Variants in KRT74 observed in about 807,000 individuals in gnomAD.
The protein encoded by KRT74 is keratin, type II cytoskeletal 74.
KRT74 carries 43 observed loss-of-function variants against 42.7 expected under a neutral mutation model. The ratio of observed to expected loss-of-function variants is 1.01; its 90% confidence interval spans 0.79 to 1.30. The LOEUF is 1.30. Among genes scored for constraint, KRT74 ranks in the 50% most tolerant of loss-of-function variants. The probability of loss-of-function intolerance (pLI) is 0.00; values close to 1 mark genes in which losing one functional copy is unlikely to be tolerated. For missense variants in KRT74, 736 were observed against 689.1 expected (o/e 1.07, Z -0.76); for synonymous variants, 302 against 279.0 (o/e 1.08, Z -0.82).
In KRT74 at chr12:52,567,154, T is replaced by C. The variant is rs1170863848; in HGVS notation, c.1405A>G (p.Ser469Gly). ...CTGGGGTGGTGGTAGCTGTAGCTGC[T>C]ACTGCTGATGACAGCTGAGGAGGAG... ...SSVSISVISS[S>G]SYSYHHPSSA... The change falls in exon 9 of 9, where the codon AGC (serine) becomes GGC (glycine). Residue 469 changes from serine to glycine, a missense_variant. Physicochemically the swap from Ser to Gly is moderately conservative, Grantham distance 56. Coordinates refer to ENST00000305620, the MANE Select transcript of KRT74 (RefSeq NM_175053.4). 1.9e-6 allele frequency: 3 copies of C among 1,601,684 alleles called. No individual in the cohort carries two copies. The highest frequency in any genetic ancestry group is 1.7e-6 in the Non-Finnish European group (2 of 1,171,248).
At chr12:52,571,242 G>T (rs1217581010) in intron 4 of KRT74, 117 bp downstream of exon 4, 3 of 767,792 alleles carry the variant, frequency 3.9e-6, no homozygotes, top group Non-Finnish European at 6.9e-6. Flanking sequence ...GCAGGGTTTT[G>T]TACCTTTCTA....
intron 5 of KRT74, 37 bp downstream of exon 5, chr12:52,570,632 A>T: frequency 1.2e-6 from 2 of 1,612,730 alleles, no homozygotes; most frequent in Non-Finnish European, 1.7e-6. Context: ...CCAGGAAGCG[A>T]AGGGCTGCTG....
intron 6 of KRT74, chr12:52,569,381 G>A (rs1193547457): frequency 1.4e-5 from 6 of 435,006 alleles, no homozygotes; most frequent in Non-Finnish European, 2.4e-5. Flanking sequence ...TCCGAGAGCA[G>A]GAACCTGGTG....
At chr12:52,567,881 G>A (rs1404046273) in intron 7 of KRT74, among the ~76,000 whole-genome samples, 188 bp from the exon 8 acceptor site, 2 of 150,694 alleles carry the variant, frequency 1.3e-5, no homozygotes, top group East Asian at 3.9e-4. Flanking sequence ...GATTTACCGA[G>A]ACCACACCAC....
intron 8 of KRT74, among the ~76,000 whole-genome samples, 164 bp downstream of exon 8, chr12:52,567,495 C>G (rs1030561882): frequency 6.6e-6 from 1 of 152,142 alleles, no homozygotes; most frequent in African/African-American, 2.4e-5. Context: ...CCTCAGTCAC[C>G]ATTTCACAGG....
intron 1 of KRT74, among the ~76,000 whole-genome samples, chr12:52,572,944 T>A (rs1939513628): frequency 6.6e-6 from 1 of 152,134 alleles, no homozygotes; most frequent in Non-Finnish European, 1.5e-5. Context: ...TCCTTATGTC[T>A]CAACTAAGTG....
chr12:52,569,296 C>T (rs1939433156), intron 6 of KRT74, among the ~76,000 whole-genome samples: 1 of 115,932 alleles, frequency 8.6e-6, no homozygotes, highest in African/African-American at 3.4e-5. Flanking sequence ...GGAAGTAGTA[C>T]CATGGCACAG....
chr12:52,568,343 T>C lies in KRT74; in HGVS notation c.1181A>G (p.Asp394Gly), dbSNP rs1369891216. 3.7e-6 allele frequency: 6 copies of C among 1,614,094 alleles called. No individual in the cohort carries two copies. Among genetic ancestry groups the C allele is most frequent in the South Asian group, 1.1e-5 (1 of 91,090 alleles). Residue 394 changes from aspartate to glycine, a missense_variant, in exon 7 of 9, where the codon GAC (aspartate) becomes GGC (glycine). By Grantham distance (94) the Asp-to-Gly change is moderately conservative (BLOSUM62 -1). Transcript: ENST00000305620. Reference sequence around the variant, plus strand: ...GGCCTGGGCATCCTTCAGGGCATTGTCTCCCCGCTGCTCAGCGTCAGCGAT... The same window carrying C: ...GGCCTGGGCATCCTTCAGGGCATTGCCTCCCCGCTGCTCAGCGTCAGCGAT... ...TAIADAEQRG[D>G]NALKDAQAKL...
rs542956683 is a variant in KRT74, at chr12:52,567,513, G to T, written c.1390+146C>A. On this transcript the variant is annotated intron_variant, in intron 8 of 8. Transcript: ENST00000305620. ...CAGTCACCATTTCACAGGATGAAAAGGGAGAACATTTCCTTTGAAGCCCAG... is the reference window on the plus strand; with the variant it reads ...CAGTCACCATTTCACAGGATGAAAATGGAGAACATTTCCTTTGAAGCCCAG... 6.8e-5 allele frequency: 50 copies of T among 732,520 alleles called. No homozygotes were observed. In the African/African-American group the frequency reaches 8.0e-4, roughly 12 times the overall value. 45.4% of individuals were successfully genotyped at this position (732,520 alleles called of 1,614,324 possible).
intron 6 of KRT74, chr12:52,569,518 G>A (rs1202814148): frequency 1.0e-5 from 6 of 601,888 alleles, no homozygotes; most frequent in Non-Finnish European, 1.8e-5. Flanking sequence ...AGGTTCATTG[G>A]ACACAGAAAA....
At chr12:52,570,032 G>A (rs1418663081) in intron 5 of KRT74, 48 bp from the exon 6 acceptor site, 12 of 1,609,220 alleles carry the variant, frequency 7.5e-6, no homozygotes, top group Non-Finnish European at 1.0e-5. Flanking sequence ...GGGCACTGGG[G>A]AAGGGTCCTG....
chr12:52,569,198 A>G (rs889323699), intron 6 of KRT74, among the ~76,000 whole-genome samples: 2 of 152,064 alleles, frequency 1.3e-5, no homozygotes, highest in African/African-American at 2.4e-5. Flanking sequence ...CCAGCCTCCA[A>G]TATCATCTCC....
At chr12:52,568,513 A>C (rs963455288) in intron 6 of KRT74, 124 bp from the exon 7 acceptor site, 1 of 960,368 alleles carries the variant, frequency 1.0e-6, no homozygotes, top group Admixed American at 2.1e-5. Context: ...AAAGCTGCAA[A>C]GCCAACACCA....
In KRT74 at chr12:52,571,957, A is replaced by G. The variant is rs1939489992; in HGVS notation, c.734T>C (p.Val245Ala). ...NRRTTAENEFVVLKKDADAAY... is the reference protein window; with the variant it reads ...NRRTTAENEFAVLKKDADAAY... ...TCCCTCTCTTACCTTCTTAAGCACC[A>G]CAAACTCATTCTCTGCTGTCGTGCG... The change falls in exon 3 of 9, where the codon GTG (valine) becomes GCG (alanine). Residue 245 changes from valine to alanine, a missense_variant. Physicochemically the swap from Val to Ala is moderately conservative, Grantham distance 64. Coordinates refer to ENST00000305620, the MANE Select transcript of KRT74 (RefSeq NM_175053.4). The G allele has an allele frequency of 1.9e-6, 3 of 1,589,712 alleles. No individual in the cohort carries two copies. Among genetic ancestry groups the G allele is most frequent in the Non-Finnish European group, 2.6e-6 (3 of 1,158,194 alleles).
In KRT74 at chr12:52,572,643, G is replaced by C. The variant is rs771676660; in HGVS notation, c.496C>G (p.Gln166Glu). 45 of 1,614,048 alleles carry C rather than the reference G, an allele frequency of 2.8e-5. No homozygotes were observed. Among genetic ancestry groups the C allele is most frequent in the Non-Finnish European group, 3.6e-5 (42 of 1,180,048 alleles). The change falls in exon 2 of 9, where the codon CAG (glutamine) becomes GAG (glutamate). Residue 166 changes from glutamine (Q) to glutamate (E), a missense_variant. Physicochemically the swap from Gln to Glu is conservative, Grantham distance 29 (BLOSUM62 2). Coordinates refer to ENST00000305620, the MANE Select transcript of KRT74 (RefSeq NM_175053.4). Reference protein sequence around the residue: ...DKVRFLEQQNQVLETKWELLQ... With the variant: ...DKVRFLEQQNEVLETKWELLQ... ...AGCTCCCACTTGGTTTCTAGAACCT[G>C]GTTCTGCTGCTCTAGGAAGCGTACC...
At position 52,571,463 on chromosome 12, in the gene KRT74, A is replaced by G; in HGVS notation, c.748-9T>C. On this transcript the variant is annotated splice_polypyrimidine_tract_variant and intron_variant, in intron 3 of 8. Transcript: ENST00000305620. ...TAGGCTGCATCTGCATCCTGCCAAG[A>G]GGCCCCAGAGTCATTGGGGGATGCA... The G allele has an allele frequency of 6.2e-7, 1 of 1,608,616 alleles. No homozygotes were observed. The highest frequency in any genetic ancestry group is 8.5e-7 in the Non-Finnish European group (1 of 1,175,074).
In KRT74 at chr12:52,571,973, C is replaced by A. The variant is rs1206099973; in HGVS notation, c.718G>T (p.Ala240Ser). Residue 240 changes from alanine (A) to serine (S), a missense_variant, in exon 3 of 9, where the codon GCA becomes TCA. Ala to Ser is a moderately conservative substitution (Grantham distance 99). Transcript: ENST00000305620. ...YEVEINRRTT[A>S]ENEFVVLKKD... is the part of the protein sequence containing the mutation. ...TTAAGCACCACAAACTCATTCTCTG[C>A]TGTCGTGCGCCGGTTAATCTCCACT... The A allele has an allele frequency of 6.3e-7, 1 of 1,597,680 alleles. No homozygotes were observed. The highest frequency in any genetic ancestry group is 1.3e-5 in the African/African-American group (1 of 74,392).
At chr12:52,571,755 C>T (rs924380540) in intron 3 of KRT74, among the ~76,000 whole-genome samples, 189 bp downstream of exon 3, 1 of 152,170 alleles carries the variant, frequency 6.6e-6, no homozygotes, top group African/African-American at 2.4e-5. Context: ...CTGTCTCTGT[C>T]CATTTCCTGA....
intron 7 of KRT74, 40 bp from the exon 8 acceptor site, chr12:52,567,733 TC>T: frequency 6.6e-7 from 1 of 1,513,018 alleles, no homozygotes; most frequent in Non-Finnish European, 9.2e-7. Context: ...AAACTCAGTG[TC>T]GAGATTCCAC....
Sources: gnomAD v4.1 joint callset for allele counts (sites outside exome capture counted in the v4.1 genomes callset) on GRCh38, gnomAD v4.1.1 for gene constraint, MANE v1.5 for transcripts, NCBI Gene and HGNC (gene_info 2026-07-23, HGNC 2026-07-21) for gene names.